The following IKBIP variants were observed in gnomAD, a reference collection of about 807,000 sequenced individuals.
The protein encoded by IKBIP is inhibitor of nuclear factor kappa-B kinase-interacting protein.
In IKBIP, 28 loss-of-function variants were observed where a neutral mutation model predicts 31.0. That is an observed-to-expected ratio of 0.90 (90% CI 0.67 to 1.24). The LOEUF (loss-of-function observed/expected upper bound fraction) is 1.24, where lower values mean the gene tolerates loss of function less well. IKBIP is among the 50% of genes most tolerant of loss of function. The pLI is 0.00. For synonymous variants in IKBIP, 164 were observed against 160.3 expected, an observed-to-expected ratio of 1.02 and a Z score of -0.17; for missense variants, 453 against 441.9, an observed-to-expected ratio of 1.03 and a Z score of -0.23.
Position 98,624,647 on chromosome 12 carries a change from A to C in IKBIP, c.*1283T>G, listed in dbSNP as rs1305868881. 1.1e-6 allele frequency: 1 copy of C among 873,142 alleles called. No homozygotes were observed. The highest frequency in any genetic ancestry group is 1.4e-6 in the Non-Finnish European group (1 of 727,882). 54.1% of individuals were successfully genotyped at this position (873,142 alleles called of 1,614,324 possible). ...CATATTGCAGTTGACTACATTATATAATTTCAAATAAAATAAAATCAATTC... is the reference window on the plus strand; with the variant it reads ...CATATTGCAGTTGACTACATTATATCATTTCAAATAAAATAAAATCAATTC... On this transcript the variant is annotated 3_prime_UTR_variant, in exon 3 of 3. Transcript: ENST00000299157.
intron 1 of IKBIP, among the ~76,000 whole-genome samples, chr12:98,636,100 A>C (rs1292339932): frequency 2.6e-5 from 4 of 152,252 alleles, no homozygotes; most frequent in Admixed American, 2.0e-4. Context: ...TCAGAAAAAA[A>C]CACTTGAAAT....
chr12:98,614,272 T>C, exon 3 of IKBIP: 1 of 1,608,354 alleles, frequency 6.2e-7, no homozygotes. Flanking sequence ...TTTCTTCCTG[T>C]AGACGCTTTA....
At position 98,627,991 on chromosome 12, in the gene IKBIP, C is replaced by T. The variant is rs377248880; in HGVS notation, c.298-1225G>A. ...GTATTTGTAAATTATGCTAAGCCTCCGGCACCTCCTAATCTGTATCTGGAA... is the reference window on the plus strand; with the variant it reads ...GTATTTGTAAATTATGCTAAGCCTCTGGCACCTCCTAATCTGTATCTGGAA... On this transcript the variant is annotated intron_variant, in intron 2 of 2. Transcript: ENST00000299157. Among the ~76,000 whole-genome samples the T allele has an allele frequency of 9.3e-4, 141 of 152,320 alleles. 3 individuals carry two copies. The South Asian group carries it at 0.025, about 27-fold the overall frequency.
At chr12:98,627,594 A>G (rs1052986010) in intron 2 of IKBIP, among the ~76,000 whole-genome samples, 2 of 151,810 alleles carry the variant, frequency 1.3e-5, no homozygotes, top group African/African-American at 4.8e-5. Context: ...GCCCGCCACC[A>G]CACCCGGCTA....
intron 1 of IKBIP, among the ~76,000 whole-genome samples, chr12:98,643,487 C>G (rs749978738): frequency 6.6e-6 from 1 of 151,046 alleles, no homozygotes; most frequent in Non-Finnish European, 1.5e-5. Flanking sequence ...TCCCTCCTCC[C>G]GCCAGAAAAA....
rs1466055188 is a variant in IKBIP at position 98,634,285 on chromosome 12, T to G, written c.297+11A>C. On this transcript the variant is annotated intron_variant, in intron 2 of 2. Coordinates refer to ENST00000299157, the MANE Select transcript of IKBIP (RefSeq NM_153687.4). ...GGGAAAACCGTCCCAGATAAGCCAATTAATGATTACCTTTTCTGAAATTAA... is the reference window on the plus strand; with the variant it reads ...GGGAAAACCGTCCCAGATAAGCCAAGTAATGATTACCTTTTCTGAAATTAA... 1 of 1,315,686 alleles carries G rather than the reference T, an allele frequency of 7.6e-7. No homozygotes were observed. The highest frequency in any genetic ancestry group is 2.3e-5 in the East Asian group (1 of 43,348). The allele number at this position is 1,315,686 out of a possible 1,614,324, so 81.5% of individuals were successfully genotyped here. A position where few individuals can be genotyped will look rare whatever the true frequency, so the allele number is the denominator to read the frequency against.
At chr12:98,617,270 T>G (rs2097606803) in intron 2 of IKBIP, among the ~76,000 whole-genome samples, 1 of 152,206 alleles carries the variant, frequency 6.6e-6, no homozygotes, top group African/African-American at 2.4e-5. Context: ...AATGCAGCTG[T>G]TTTTCAACTT....
At chr12:98,618,683 G>A (rs1412425848) in intron 2 of IKBIP, among the ~76,000 whole-genome samples, 1 of 150,488 alleles carries the variant, frequency 6.6e-6, no homozygotes. Context: ...GGCTGGTCTT[G>A]AACTCCTGGC....
chr12:98,626,611 T>C lies in IKBIP; in HGVS notation c.453A>G (p.Lys151=). ...LTQRMQSLNE[K]FQNITDFWKR... is the part of the protein sequence containing the mutation. Reference sequence around the variant, plus strand: ...TCCAGAAATCCGTAATATTCTGAAATTTCTCATTAAGGCTTTGCATCCTTT... The same window carrying C: ...TCCAGAAATCCGTAATATTCTGAAACTTCTCATTAAGGCTTTGCATCCTTT... The change falls in exon 3 of 3, where the codon AAA becomes AAG. Residue 151 remains lysine, a synonymous_variant. Coordinates refer to ENST00000299157, the MANE Select transcript of IKBIP (RefSeq NM_153687.4). 13 of 1,613,892 alleles carry C rather than the reference T, an allele frequency of 8.1e-6. No homozygotes were observed. The highest frequency in any genetic ancestry group is 1.3e-5 in the African/African-American group (1 of 75,064).
At chr12:98,632,529 A>G (rs1004855664) in intron 2 of IKBIP, among the ~76,000 whole-genome samples, 10 of 77,878 alleles carry the variant, frequency 1.3e-4, no homozygotes, top group African/African-American at 4.9e-4. Context: ...ATATATATAT[A>G]TATATATATA....
At chr12:98,632,840 T>C (rs912241460) in intron 2 of IKBIP, among the ~76,000 whole-genome samples, 1 of 151,934 alleles carries the variant, frequency 6.6e-6, no homozygotes, top group Non-Finnish European at 1.5e-5. Context: ...TTGGCCAATC[T>C]GGTCTCGAAC....
chr12:98,637,209 A>T (rs546618303), intron 1 of IKBIP, among the ~76,000 whole-genome samples: 1 of 152,170 alleles, frequency 6.6e-6, no homozygotes, highest in South Asian at 2.1e-4. Context: ...AATAAAAAAA[A>T]ATTCATCCTT....
Position 98,614,294 on chromosome 12 carries a change from AT to A in IKBIP, c.343del (p.Ile115Ter). 1 of 1,599,732 alleles carries A rather than the reference AT, an allele frequency of 6.3e-7. No homozygotes were observed. Among genetic ancestry groups the A allele is most frequent in the Non-Finnish European group, 8.5e-7 (1 of 1,173,744 alleles). On this transcript the variant is annotated frameshift_variant, in exon 3 of 3. Transcript: ENST00000342502. LOFTEE classifies it high-confidence loss of function. ...CTGTAGACGCTTTAGATGAGCAATTATTTGAAAAGACTTCAATTGTTCCATG... is the reference window on the plus strand; with the variant it reads ...CTGTAGACGCTTTAGATGAGCAATTATTGAAAAGACTTCAATTGTTCCATG...
intron 2 of IKBIP, 135 bp from the exon 3 acceptor site, chr12:98,626,901 G>T: frequency 1.7e-6 from 1 of 603,702 alleles, no homozygotes; most frequent in South Asian, 2.4e-5. Flanking sequence ...AAGTATATCA[G>T]AATCAGACTG....
rs149665735 is a variant in IKBIP at position 98,638,337 on chromosome 12, G to C, written c.180-3924C>G. Among the ~76,000 whole-genome samples the C allele has an allele frequency of 6.8e-3, 1,028 of 152,234 alleles. 11 individuals are homozygous for C. The highest frequency in any genetic ancestry group is 0.023 in the African/African-American group (972 of 41,534). ...AGATCTCACTCTATTTCCCAGGCTG[G>C]AGTGCAGTGGTGTGATCATGGCTCA... On this transcript the variant is annotated intron_variant, in intron 1 of 2. Transcript: ENST00000299157.
intron 2 of IKBIP, among the ~76,000 whole-genome samples, chr12:98,628,383 C>T (rs987821810): frequency 6.6e-6 from 1 of 152,216 alleles, no homozygotes; most frequent in Admixed American, 6.5e-5. Context: ...ACTGGTATGC[C>T]TATCATGGTA....
rs573696516 is a variant in IKBIP, at chr12:98,642,393, G to A, written c.179+2130C>T. ...TCAAATTCCTGACCTCAAGTGATTC[G>A]CCTGCCTCGGCCTCCCAAAGTGCTA... is the stretch of plus-strand genomic sequence containing the variant. On this transcript the variant is annotated intron_variant, in intron 1 of 2. Transcript: ENST00000299157. 4.8e-3 allele frequency among the ~76,000 whole-genome samples: 726 copies of A among 151,650 alleles called. 3 individuals are homozygous for A. The highest frequency in any genetic ancestry group is 0.01 in the Middle Eastern group (3 of 294).
chr12:98,640,479 A>G (rs2097629447), intron 1 of IKBIP, among the ~76,000 whole-genome samples: 1 of 145,084 alleles, frequency 6.9e-6, no homozygotes, highest in African/African-American at 2.6e-5. Context: ...AAACAAAACA[A>G]AAAAGCAATT....
At chr12:98,638,798 TGTTC>T (rs1203847112) in intron 1 of IKBIP, among the ~76,000 whole-genome samples, 8 of 151,980 alleles carry the variant, frequency 5.3e-5, no homozygotes, top group South Asian at 2.1e-4. Context: ...TTTGTTTGTT[TGTTC>T]GTTTTTTGAG....
Sources: allele counts gnomAD v4.1 joint callset (sites outside exome capture counted in the v4.1 genomes callset), GRCh38; gene constraint gnomAD v4.1.1; transcripts MANE v1.5; gene names NCBI Gene and HGNC (gene_info 2026-07-23, HGNC 2026-07-21).